Variants in LARGE1 observed in about 807,000 individuals in gnomAD.
LARGE1 encodes xylosyl- and glucuronyltransferase LARGE1.
Under a neutral mutation model 87.6 loss-of-function variants are expected in LARGE1, and 43 were observed. The observed-to-expected ratio is 0.49, with a 90% CI of 0.38 to 0.63. LARGE1 has a LOEUF of 0.63. Ranked by LOEUF, LARGE1 falls within the 30% of genes least tolerant of loss-of-function variation. The pLI is 0.00. For synonymous variants in LARGE1, 434 were observed against 394.6 expected, an observed-to-expected ratio of 1.10 and a Z score of -1.18; for missense variants, 802 against 1,000.2, an observed-to-expected ratio of 0.80 and a Z score of 2.67.
chr22:33,666,264 G>C (rs531098706), intron 2 of LARGE1, among the ~76,000 whole-genome samples: 1 of 152,288 alleles, frequency 6.6e-6, no homozygotes, highest in East Asian at 1.9e-4. Flanking sequence ...AAGAACAAGC[G>C]AGGCTGATAA....
At chr22:33,616,219 G>A (rs1395361329) in intron 4 of LARGE1, among the ~76,000 whole-genome samples, 1 of 152,096 alleles carries the variant, frequency 6.6e-6, no homozygotes, top group Non-Finnish European at 1.5e-5. Context: ...TAGTCAAGAA[G>A]TGGATGGCCG....
the LARGE1 span, among the ~76,000 whole-genome samples, chr22:33,077,337 A>G: frequency 1.3e-5 from 2 of 152,192 alleles, no homozygotes. Flanking sequence ...TGCCTAAGTA[A>G]CTACCCCAGA....
At chr22:33,363,823 G>A (rs1042418686) in intron 9 of LARGE1, among the ~76,000 whole-genome samples, 4 of 149,804 alleles carry the variant, frequency 2.7e-5, no homozygotes, top group Admixed American at 6.6e-5. Flanking sequence ...GAGTCAATCT[G>A]ATAACTGAGA....
chr22:33,077,123 A>G, the LARGE1 span, among the ~76,000 whole-genome samples: 1 of 152,196 alleles, frequency 6.6e-6, no homozygotes, highest in Admixed American at 6.5e-5. Flanking sequence ...AGTGCTATGT[A>G]TTATTGTTAT....
At chr22:33,203,811 T>C (rs1156775386) in intron 11 of LARGE1, among the ~76,000 whole-genome samples, 1 of 152,174 alleles carries the variant, frequency 6.6e-6, no homozygotes, top group East Asian at 1.9e-4. Flanking sequence ...AGCATCACCT[T>C]ATCTGTGAAC....
chr22:33,761,696 T>G (rs2084736225), intron 1 of LARGE1, 138 bp from the exon 2 acceptor site: 1 of 596,064 alleles, frequency 1.7e-6, no homozygotes, highest in South Asian at 2.0e-5. Context: ...TCCCAAGAGA[T>G]GATGCTGCCG....
chr22:33,770,836 G>C (rs1357333070), intron 1 of LARGE1, among the ~76,000 whole-genome samples: 1 of 152,030 alleles, frequency 6.6e-6, no homozygotes, highest in Admixed American at 6.6e-5. Flanking sequence ...TAATCCAAAT[G>C]GGAGGTCATT....
At chr22:33,891,845 C>T (rs1050746660) in intron 1 of LARGE1, among the ~76,000 whole-genome samples, 2 of 152,164 alleles carry the variant, frequency 1.3e-5, no homozygotes, top group East Asian at 3.8e-4. Flanking sequence ...AAATTGGCAT[C>T]GATGCATTGG....
At chr22:33,436,752 A>C (rs1184782066) in intron 6 of LARGE1, 1 of 152,586 alleles carries the variant, frequency 6.6e-6, no homozygotes, top group African/African-American at 2.4e-5. Context: ...GCATGCCAAC[A>C]GATAGCCTGC....
At chr22:33,492,360 G>A (rs953311406) in intron 6 of LARGE1, among the ~76,000 whole-genome samples, 5 of 152,164 alleles carry the variant, frequency 3.3e-5, no homozygotes, top group Admixed American at 6.5e-5. Flanking sequence ...ACACTTTTGC[G>A]TCTTTCAAGT....
At chr22:33,686,972 T>C (rs956112248) in intron 2 of LARGE1, among the ~76,000 whole-genome samples, 1 of 152,204 alleles carries the variant, frequency 6.6e-6, no homozygotes, top group Admixed American at 6.5e-5. Flanking sequence ...CTAGCATCTG[T>C]GAGGCCCCCG....
At chr22:33,528,002 G>C (rs1272385296) in intron 6 of LARGE1, among the ~76,000 whole-genome samples, 2 of 152,008 alleles carry the variant, frequency 1.3e-5, no homozygotes, top group African/African-American at 2.4e-5. Flanking sequence ...TATTAATATT[G>C]ATCTCTCAGG....
downstream of LARGE1, among the ~76,000 whole-genome samples, chr22:33,270,818 G>C (rs548290256): frequency 3.9e-5 from 6 of 152,212 alleles, no homozygotes; most frequent in African/African-American, 1.4e-4. Flanking sequence ...TTTCATGATG[G>C]GGCACAAAGA....
intron 1 of LARGE1, among the ~76,000 whole-genome samples, chr22:33,821,941 G>A (rs2086836400): frequency 7.2e-6 from 1 of 139,352 alleles, no homozygotes; most frequent in African/African-American, 2.9e-5. Context: ...CCGTTTAAGT[G>A]ACTTTTTTAG....
intron 1 of LARGE1, among the ~76,000 whole-genome samples, chr22:33,888,223 T>G (rs2064910404): frequency 2.0e-5 from 3 of 151,754 alleles, no homozygotes; most frequent in African/African-American, 7.3e-5. Context: ...ATGCTTATAT[T>G]AATTTTAGAT....
intron 5 of LARGE1, among the ~76,000 whole-genome samples, chr22:33,586,181 G>C (rs2078667703): frequency 6.6e-6 from 1 of 152,154 alleles, no homozygotes; most frequent in African/African-American, 2.4e-5. Flanking sequence ...AAACCAGCTG[G>C]CTTGGAAAAC....
intron 1 of LARGE1, among the ~76,000 whole-genome samples, chr22:33,763,503 G>C (rs576662587): frequency 6.6e-6 from 1 of 152,144 alleles, no homozygotes; most frequent in Middle Eastern, 3.4e-3. Flanking sequence ...CAAACCCTAC[G>C]TACACATTCC....
chr22:33,731,206 T>C (rs913082329), intron 2 of LARGE1, among the ~76,000 whole-genome samples: 4 of 152,008 alleles, frequency 2.6e-5, no homozygotes, highest in East Asian at 1.9e-4. Flanking sequence ...GGTTTCACCA[T>C]GTTAGCCACG....
At chr22:33,239,535 CTTTTTTTTTTT>C (rs71187254) in intron 11 of LARGE1, among the ~76,000 whole-genome samples, 1 of 95,314 alleles carries the variant, frequency 1.0e-5, no homozygotes, top group South Asian at 4.2e-4. Flanking sequence ...TTTTTCTTTT[CTTTTTTTTTTT>C]TTTTTTTTTT....
Sources: gnomAD v4.1 joint callset for allele counts (sites outside exome capture counted in the v4.1 genomes callset) on GRCh38, gnomAD v4.1.1 for gene constraint, MANE v1.5 for transcripts, NCBI Gene and HGNC (gene_info 2026-07-23, HGNC 2026-07-21) for gene names.